The following FAM135A variants were observed in gnomAD, a reference collection of about 807,000 sequenced individuals.
FAM135A encodes family with sequence similarity 135 member A, also known as protein FAM135A.
In FAM135A, 79 loss-of-function variants were observed where a neutral mutation model predicts 146.8. That is an observed-to-expected ratio of 0.54 (90% CI 0.45 to 0.65). The LOEUF is 0.65. FAM135A is among the 30% of genes least tolerant of loss of function. FAM135A has a pLI of 0.00. For missense variants in FAM135A, 1,623 were observed against 1,758.2 expected (o/e 0.92, Z 1.38); for synonymous variants, 562 against 603.6 (o/e 0.93, Z 1.01).
chr6:70,547,845 C>A (rs1799122465), intron 20 of FAM135A, among the ~76,000 whole-genome samples: 1 of 152,108 alleles, frequency 6.6e-6, no homozygotes. Context: ...AACATACTTA[C>A]AGATTTTTCT....
chr6:70,440,514 C>G (rs945259211), intron 4 of FAM135A, among the ~76,000 whole-genome samples: 3 of 152,052 alleles, frequency 2.0e-5, no homozygotes, highest in Non-Finnish European at 4.4e-5. Flanking sequence ...TGGTGAAACC[C>G]CATCTCTACT....
chr6:70,427,594 ATAAT>A (rs1220758768), intron 3 of FAM135A, among the ~76,000 whole-genome samples: 3 of 152,190 alleles, frequency 2.0e-5, no homozygotes, highest in Non-Finnish European at 2.9e-5. Context: ...TGTTCACTGA[ATAAT>A]TAAGTGAAAT....
intron 15 of FAM135A, 52 bp downstream of exon 15, chr6:70,526,750 T>TACACAC (rs749224479): frequency 4.7e-6 from 4 of 851,544 alleles, no homozygotes; most frequent in African/African-American, 4.1e-5. Flanking sequence ...CATATATATA[T>TACACAC]ACACACACAC....
chr6:70,485,811 A>G (rs1713380161), intron 10 of FAM135A, among the ~76,000 whole-genome samples: 1 of 152,122 alleles, frequency 6.6e-6, no homozygotes, highest in South Asian at 2.1e-4. Context: ...CTTACTGAAC[A>G]TGAGAGTCAG....
chr6:70,417,317 G>A (rs1340494862), intron 2 of FAM135A, among the ~76,000 whole-genome samples: 4 of 150,158 alleles, frequency 2.7e-5, no homozygotes, highest in South Asian at 2.1e-4. Flanking sequence ...GGATTCAAGC[G>A]ATTCATGTGC....
At chr6:70,481,189 A>G (rs1396640736) in intron 9 of FAM135A, among the ~76,000 whole-genome samples, 162 bp downstream of exon 9, 3 of 152,156 alleles carry the variant, frequency 2.0e-5, no homozygotes, top group South Asian at 2.1e-4. Flanking sequence ...CTAATTGTCT[A>G]TTATGAAAAC....
At chr6:70,523,503 A>G (rs902155878) in intron 13 of FAM135A, among the ~76,000 whole-genome samples, 1 of 152,170 alleles carries the variant, frequency 6.6e-6, no homozygotes, top group Non-Finnish European at 1.5e-5. Flanking sequence ...TTAGAAAATT[A>G]TACATCTTGT....
intron 4 of FAM135A, among the ~76,000 whole-genome samples, chr6:70,430,498 G>T (rs1771331634): frequency 6.6e-6 from 1 of 152,168 alleles, no homozygotes; most frequent in Non-Finnish European, 1.5e-5. Context: ...AAAACTTTGT[G>T]GACTGTCCAT....
At chr6:70,552,524 A>T (rs1256241861) in intron 20 of FAM135A, among the ~76,000 whole-genome samples, 1 of 143,248 alleles carries the variant, frequency 7.0e-6, no homozygotes, top group Non-Finnish European at 1.5e-5. Flanking sequence ...GCTGGAGTAC[A>T]GTGGCGTGAT....
chr6:70,523,011 A>G (rs1169504944), intron 13 of FAM135A, among the ~76,000 whole-genome samples: 9 of 152,192 alleles, frequency 5.9e-5, no homozygotes, highest in Non-Finnish European at 8.8e-5. Context: ...AATGCCTTCT[A>G]TCTTTCCTAC....
intron 16 of FAM135A, among the ~76,000 whole-genome samples, chr6:70,532,880 C>G (rs1796090434): frequency 6.6e-6 from 1 of 151,554 alleles, no homozygotes; most frequent in Non-Finnish European, 1.5e-5. Context: ...TGCAGTGAGT[C>G]GAGATCATGC....
chr6:70,448,936 C>T (rs1302204568), intron 4 of FAM135A, among the ~76,000 whole-genome samples: 1 of 152,208 alleles, frequency 6.6e-6, no homozygotes, highest in Non-Finnish European at 1.5e-5. Context: ...GGTAAACCCA[C>T]AACCTTCCAG....
At chr6:70,533,133 C>T (rs755136014) in intron 16 of FAM135A, 27 bp from the exon 17 acceptor site, 6 of 1,568,096 alleles carry the variant, frequency 3.8e-6, no homozygotes, top group Non-Finnish European at 5.3e-6. Flanking sequence ...TTATCTCATC[C>T]TTTAAACATC....
chr6:70,529,529 A>G lies in FAM135A; in HGVS notation c.3775+1077A>G, dbSNP rs947727166. ...CCTCCAAACAATAAAGTCTTCAAAG[A>G]ATTATCCCCCAAGAAAGACTTCTGG... On this transcript the variant is annotated intron_variant, in intron 16 of 21. Coordinates refer to ENST00000418814, the MANE Select transcript of FAM135A (RefSeq NM_001162529.3). Among the ~76,000 whole-genome samples the G allele has an allele frequency of 1.4e-4, 21 of 151,930 alleles. 1 individual carries two copies. The highest frequency in any genetic ancestry group is 7.2e-4 in the Admixed American group (11 of 15,266).
In FAM135A at chr6:70,560,835, A is replaced by C. The variant is rs1189453139; in HGVS notation, c.*914A>C. 1 of 152,606 alleles carries C rather than the reference A, an allele frequency of 6.6e-6. No individual in the cohort carries two copies. The highest frequency in any genetic ancestry group is 1.5e-5 in the Non-Finnish European group (1 of 68,002). The allele number at this position is 152,606 out of a possible 1,614,324, so 9.5% of individuals were successfully genotyped here. Reference sequence around the variant, plus strand: ...TTAAAATTTATTGAACTAAAAAGTAATGTAAATAAAATAATTCATGTTAAA... The same window carrying C: ...TTAAAATTTATTGAACTAAAAAGTACTGTAAATAAAATAATTCATGTTAAA... On this transcript the variant is annotated 3_prime_UTR_variant, in exon 22 of 22. Transcript: ENST00000418814.
At chr6:70,528,246 C>T (rs1170677589) in intron 15 of FAM135A, 46 bp from the exon 16 acceptor site, 1 of 1,533,722 alleles carries the variant, frequency 6.5e-7, no homozygotes, top group Non-Finnish European at 8.7e-7. Flanking sequence ...GTTCTAACAA[C>T]TGAATATGAT....
chr6:70,461,718 AC>A (rs1235216393), intron 5 of FAM135A, among the ~76,000 whole-genome samples: 1 of 152,216 alleles, frequency 6.6e-6, no homozygotes, highest in Non-Finnish European at 1.5e-5. Flanking sequence ...AAATCTAGGT[AC>A]CTGAGACTGC....
At position 70,526,245 on chromosome 6, in the gene FAM135A, C is replaced by T. The variant is rs1794664629; in HGVS notation, c.3161C>T (p.Thr1054Ile). ...GSQSSTDISD[T>I]CAVSYSNALS... is the part of the protein sequence containing the mutation. ...CAAAGCAGTACGGATATTTCTGACA[C>T]ATGTGCTGTTAGCTACAGCAATGCA... The change falls in exon 15 of 22, where the codon ACA (threonine) becomes ATA (isoleucine). Residue 1054 changes from threonine to isoleucine, a missense_variant. Physicochemically the swap from Thr to Ile is moderately conservative, Grantham distance 89. Transcript: ENST00000418814. 1.2e-6 allele frequency: 2 copies of T among 1,613,372 alleles called. No homozygotes were observed. Among genetic ancestry groups the T allele is most frequent in the Non-Finnish European group, 8.5e-7 (1 of 1,179,668 alleles).
intron 5 of FAM135A, among the ~76,000 whole-genome samples, chr6:70,460,598 G>A (rs16869242): frequency 0.025 from 3,846 of 152,254 alleles, 166 homozygotes; most frequent in African/African-American, 0.088. Context: ...GATCATAAGC[G>A]TCCAGTAAGA....
Sources: gnomAD v4.1 joint callset for allele counts (sites outside exome capture counted in the v4.1 genomes callset) on GRCh38, gnomAD v4.1.1 for gene constraint, MANE v1.5 for transcripts, NCBI Gene and HGNC (gene_info 2026-07-23, HGNC 2026-07-21) for gene names.